RANBP2: variants seen among roughly 807,000 people sequenced by gnomAD.
RANBP2 encodes E3 SUMO-protein ligase RanBP2.
A neutral mutation model predicts 303.6 loss-of-function variants in RANBP2; 57 were observed. The observed-to-expected ratio is 0.19, with a 90% CI of 0.15 to 0.23. RANBP2 has a LOEUF of 0.23. Ranked by LOEUF, RANBP2 falls within the 10% of genes least tolerant of loss-of-function variation. The pLI is 1.00. For missense variants in RANBP2, 3,138 were observed against 3,780.8 expected, an observed-to-expected ratio of 0.83 and a Z score of 4.46; for synonymous variants, 1,167 against 1,301.5, an observed-to-expected ratio of 0.90 and a Z score of 2.23.
At chr2:108,878,663 T>A in the RANBP2 span, among the ~76,000 whole-genome samples, 3 of 152,178 alleles carry the variant, frequency 2.0e-5, no homozygotes, top group African/African-American at 7.2e-5. Flanking sequence ...TTGAAAAAAA[T>A]TGTTTTTAAA....
At chr2:109,249,054 A>T in the RANBP2 span, among the ~76,000 whole-genome samples, 2 of 151,936 alleles carry the variant, frequency 1.3e-5, no homozygotes, top group Non-Finnish European at 1.5e-5. Flanking sequence ...GCTAATTTGT[A>T]ATTTTGTGTA....
chr2:109,304,067 C>G, the RANBP2 span, among the ~76,000 whole-genome samples: 3 of 151,446 alleles, frequency 2.0e-5, no homozygotes, highest in African/African-American at 7.3e-5. Context: ...CGCCATTGCA[C>G]TCCAGCCTGG....
chr2:109,718,017 T>C, the RANBP2 span, among the ~76,000 whole-genome samples: 1 of 152,172 alleles, frequency 6.6e-6, no homozygotes, highest in Non-Finnish European at 1.5e-5. Flanking sequence ...AACTTATACT[T>C]TGAGAACTGC....
chr2:109,615,450 C>T, the RANBP2 span: 2 of 1,613,218 alleles, frequency 1.2e-6, no homozygotes, highest in Admixed American at 1.7e-5. Flanking sequence ...TCTGGCCATG[C>T]TAGTCAACTT....
the RANBP2 span, among the ~76,000 whole-genome samples, chr2:109,306,911 T>C: frequency 6.6e-6 from 1 of 152,236 alleles, no homozygotes; most frequent in Non-Finnish European, 1.5e-5. Flanking sequence ...GGCCGCGGCA[T>C]GCATGCCCGT....
At chr2:109,161,913 A>G in the RANBP2 span, among the ~76,000 whole-genome samples, 1 of 151,924 alleles carries the variant, frequency 6.6e-6, no homozygotes, top group East Asian at 1.9e-4. Flanking sequence ...CCTATCACCT[A>G]TCACTCAGTG....
chr2:109,533,767 T>C, the RANBP2 span, among the ~76,000 whole-genome samples: 1 of 152,232 alleles, frequency 6.6e-6, no homozygotes, highest in Non-Finnish European at 1.5e-5. Context: ...AGTTAGATAA[T>C]TGAAAAGGTC....
the RANBP2 span, among the ~76,000 whole-genome samples, chr2:109,014,792 A>C: frequency 6.6e-6 from 1 of 152,124 alleles, no homozygotes; most frequent in African/African-American, 2.4e-5. Context: ...CAAGTGACTT[A>C]ATGTCTTTCC....
the RANBP2 span, among the ~76,000 whole-genome samples, chr2:109,690,088 C>T: frequency 6.6e-6 from 1 of 152,110 alleles, no homozygotes; most frequent in African/African-American, 2.4e-5. Flanking sequence ...GTACTGTGAA[C>T]CCTGAATGTA....
chr2:109,232,437 C>G, the RANBP2 span, among the ~76,000 whole-genome samples: 2 of 152,184 alleles, frequency 1.3e-5, no homozygotes, highest in African/African-American at 4.8e-5. Flanking sequence ...GAGCCCTGGT[C>G]TGCCTATCTA....
the RANBP2 span, among the ~76,000 whole-genome samples, chr2:109,315,051 G>A: frequency 6.6e-5 from 10 of 152,190 alleles, no homozygotes; most frequent in African/African-American, 2.2e-4. Flanking sequence ...CCACATTGAA[G>A]AGCCCATACA....
chr2:109,126,044 G>A, the RANBP2 span, among the ~76,000 whole-genome samples: 1 of 152,202 alleles, frequency 6.6e-6, no homozygotes, highest in Non-Finnish European at 1.5e-5. Flanking sequence ...AGGTATGAAG[G>A]TCTAGCAACA....
downstream of RANBP2, among the ~76,000 whole-genome samples, chr2:108,789,492 G>A (rs998871709): frequency 1.4e-4 from 22 of 152,194 alleles, no homozygotes; most frequent in African/African-American, 4.1e-4. Context: ...GACTTGAGAG[G>A]CAGAGGCAGG....
the RANBP2 span, among the ~76,000 whole-genome samples, chr2:108,842,421 G>A: frequency 3.9e-5 from 6 of 152,120 alleles, no homozygotes; most frequent in Admixed American, 6.5e-5. Flanking sequence ...AGGAAGCACA[G>A]GCAGGGAGAG....
the RANBP2 span, among the ~76,000 whole-genome samples, chr2:109,374,827 T>A: frequency 5.3e-5 from 8 of 152,226 alleles, no homozygotes; most frequent in Admixed American, 3.3e-4. Context: ...TCACCTCGCC[T>A]GGCCTCACCT....
At chr2:108,750,147 A>G (rs1162247639) in intron 9 of RANBP2, among the ~76,000 whole-genome samples, 1 of 152,280 alleles carries the variant, frequency 6.6e-6, no homozygotes, top group Admixed American at 6.5e-5. Flanking sequence ...CTTCGTCTCA[A>G]AAACAAAAAG....
chr2:108,993,570 G>A, the RANBP2 span, among the ~76,000 whole-genome samples: 1,465 of 152,248 alleles, frequency 9.6e-3, 19 homozygotes, highest in Middle Eastern at 0.02. Flanking sequence ...CCTAGATACC[G>A]GGAGATGAAA....
At chr2:109,202,196 CCCTT>C in the RANBP2 span, among the ~76,000 whole-genome samples, 1 of 152,178 alleles carries the variant, frequency 6.6e-6, no homozygotes, top group Non-Finnish European at 1.5e-5. Context: ...TCTCTTCCCT[CCCTT>C]GTTTCCCAAG....
At chr2:109,553,172 C>A in the RANBP2 span, 339 of 1,614,132 alleles carry the variant, frequency 2.1e-4, no homozygotes, top group Non-Finnish European at 2.7e-4. Context: ...CTTCCTCTGA[C>A]GTTCACCATG....
Sources: allele counts gnomAD v4.1 joint callset (sites outside exome capture counted in the v4.1 genomes callset), GRCh38; gene constraint gnomAD v4.1.1; transcripts MANE v1.5; gene names NCBI Gene and HGNC (gene_info 2026-07-23, HGNC 2026-07-21).